FBXO4: variants seen among roughly 807,000 people sequenced by gnomAD.
FBXO4 encodes F-box only protein 4.
In FBXO4, 36 loss-of-function variants were observed where a neutral mutation model predicts 43.7. The ratio of observed to expected loss-of-function variants is 0.82; its 90% CI spans 0.63 to 1.09. FBXO4 has a LOEUF of 1.09. FBXO4 is among the 50% of genes least tolerant of loss of function. FBXO4 has a pLI of 0.00. For synonymous variants in FBXO4, 180 were observed against 165.6 expected, an observed-to-expected ratio of 1.09 and a Z score of -0.67; for missense variants, 435 against 474.1, an observed-to-expected ratio of 0.92 and a Z score of 0.77.
downstream of FBXO4, among the ~76,000 whole-genome samples, chr5:41,945,831 T>G (rs144424410): frequency 2.3e-4 from 35 of 152,324 alleles, no homozygotes; most frequent in South Asian, 1.0e-3. Context: ...AACCTATGGA[T>G]TGTTTGTAAC....
chr5:42,021,949 G>A, the FBXO4 span, among the ~76,000 whole-genome samples: 1 of 152,128 alleles, frequency 6.6e-6, no homozygotes, highest in Non-Finnish European at 1.5e-5. Context: ...TTGATGGTGA[G>A]AGCAAGGACA....
the FBXO4 span, among the ~76,000 whole-genome samples, chr5:41,954,144 T>C: frequency 6.6e-6 from 1 of 152,178 alleles, no homozygotes; most frequent in Non-Finnish European, 1.5e-5. Context: ...TAATTTTCAG[T>C]TCCTACAATT....
At chr5:41,964,629 A>C in the FBXO4 span, among the ~76,000 whole-genome samples, 1 of 151,062 alleles carries the variant, frequency 6.6e-6, no homozygotes, top group African/African-American at 2.4e-5. Flanking sequence ...TTTAAGATAC[A>C]TCAAAGATGA....
the FBXO4 span, among the ~76,000 whole-genome samples, chr5:42,030,497 A>G: frequency 6.6e-6 from 1 of 152,112 alleles, no homozygotes; most frequent in South Asian, 2.1e-4. Context: ...CTAAAACCAT[A>G]AAAACCCTAG....
the FBXO4 span, among the ~76,000 whole-genome samples, chr5:42,017,385 T>C: frequency 6.6e-6 from 1 of 152,044 alleles, no homozygotes; most frequent in Non-Finnish European, 1.5e-5. Context: ...CAGGAAGACT[T>C]TTTTAAGGTA....
the FBXO4 span, among the ~76,000 whole-genome samples, chr5:41,953,719 G>T: frequency 6.6e-6 from 1 of 151,594 alleles, no homozygotes; most frequent in Non-Finnish European, 1.5e-5. Context: ...TCTCATTGTG[G>T]TTTTGATTTG....
rs751506047 is a variant in FBXO4 at position 41,939,431 on chromosome 5, C to G, written c.899-10C>G. ...AATGCAAATTAAGGGTTTTGACTTA[C>G]ATTCCTTAGGACATGAATGGCAAGA... is the stretch of plus-strand genomic sequence containing the variant. On this transcript the variant is annotated splice_polypyrimidine_tract_variant and intron_variant, in intron 5 of 6. Coordinates refer to ENST00000281623, the MANE Select transcript of FBXO4 (RefSeq NM_012176.3). The G allele has an allele frequency of 5.7e-6, 9 of 1,584,042 alleles. No individual in the cohort carries two copies. In the South Asian group the frequency reaches 9.3e-5, roughly 16 times the overall value.
In FBXO4 at chr5:41,941,659, C is replaced by A; in HGVS notation, c.*378C>A. On this transcript the variant is annotated 3_prime_UTR_variant, in exon 7 of 7. Transcript: ENST00000281623. Reference sequence around the variant, plus strand: ...TAGCAAATTTGCTAAACTTTCTATTCAGTCTTTTCAAGGGTTCATAAGTGG... The same window carrying A: ...TAGCAAATTTGCTAAACTTTCTATTAAGTCTTTTCAAGGGTTCATAAGTGG... The A allele has an allele frequency of 5.9e-6, 1 of 168,902 alleles. No individual in the cohort carries two copies. The highest frequency in any genetic ancestry group is 1.3e-5 in the Non-Finnish European group (1 of 77,670). 10.5% of individuals were successfully genotyped at this position (168,902 alleles called of 1,614,324 possible).
At chr5:41,964,327 G>C in the FBXO4 span, among the ~76,000 whole-genome samples, 6 of 151,528 alleles carry the variant, frequency 4.0e-5, no homozygotes, top group Admixed American at 1.3e-4. Context: ...TACTTTACTT[G>C]AAAGTATATC....
At chr5:41,967,619 G>T in the FBXO4 span, 1 of 1,067,400 alleles carries the variant, frequency 9.4e-7, no homozygotes, top group South Asian at 1.3e-5. Flanking sequence ...CTTCCCTAGG[G>T]TTGGAATGCC....
At chr5:41,996,352 A>C in the FBXO4 span, among the ~76,000 whole-genome samples, 1 of 152,204 alleles carries the variant, frequency 6.6e-6, no homozygotes, top group Non-Finnish European at 1.5e-5. Flanking sequence ...ACCAAAGCCC[A>C]GTAACAGGCC....
At chr5:41,943,204 G>A (rs72747000), downstream of FBXO4, among the ~76,000 whole-genome samples, 12,136 of 152,124 alleles carry the variant, frequency 0.08, 698 homozygotes, top group African/African-American at 0.16. Flanking sequence ...AAGAGCTACA[G>A]GCTATTTTGA....
chr5:41,996,122 A>C, the FBXO4 span, among the ~76,000 whole-genome samples: 1 of 152,166 alleles, frequency 6.6e-6, no homozygotes, highest in South Asian at 2.1e-4. Flanking sequence ...GGGTGGCAGG[A>C]GTGGAGACCA....
At chr5:41,959,516 G>T in the FBXO4 span, among the ~76,000 whole-genome samples, 1 of 151,978 alleles carries the variant, frequency 6.6e-6, no homozygotes, top group South Asian at 2.1e-4. Flanking sequence ...TATAGTTTTT[G>T]GTATTATATT....
chr5:41,952,525 A>T, the FBXO4 span, among the ~76,000 whole-genome samples: 2 of 152,226 alleles, frequency 1.3e-5, no homozygotes, highest in South Asian at 4.1e-4. Context: ...CAGTTATTAC[A>T]TATGGGTAAC....
intron 3 of FBXO4, among the ~76,000 whole-genome samples, chr5:41,930,407 T>C (rs1053421394): frequency 6.6e-6 from 1 of 152,212 alleles, no homozygotes; most frequent in East Asian, 1.9e-4. Flanking sequence ...CCAGCCCCTA[T>C]AAGTGAGATG....
chr5:41,939,730 A>C, intron 6 of FBXO4, 114 bp downstream of exon 6: 1 of 812,054 alleles, frequency 1.2e-6, no homozygotes. Flanking sequence ...AGTCAATTTT[A>C]ATAGCTTAAT....
the FBXO4 span, among the ~76,000 whole-genome samples, chr5:42,025,220 A>G: frequency 1.3e-5 from 2 of 151,808 alleles, no homozygotes; most frequent in Non-Finnish European, 2.9e-5. Context: ...AACATTTATT[A>G]TTACCTGTCT....
chr5:41,933,120 G>A (rs1429496293), intron 3 of FBXO4, among the ~76,000 whole-genome samples: 1 of 152,156 alleles, frequency 6.6e-6, no homozygotes, highest in Non-Finnish European at 1.5e-5. Flanking sequence ...ATGGCTATAA[G>A]TGAGAAATTC....
Sources: allele counts gnomAD v4.1 joint callset (sites outside exome capture counted in the v4.1 genomes callset), GRCh38; gene constraint gnomAD v4.1.1; transcripts MANE v1.5; gene names NCBI Gene and HGNC (gene_info 2026-07-23, HGNC 2026-07-21).